The following SDCBP variants were observed in gnomAD, a reference collection of about 807,000 sequenced individuals.
The protein encoded by SDCBP is syntenin-1.
SDCBP carries 22 observed loss-of-function variants against 30.5 expected under a neutral mutation model. The observed-to-expected ratio is 0.72, with a 90% confidence interval of 0.52 to 1.03. The LOEUF is 1.03. Ranked by LOEUF, SDCBP falls within the 50% of genes least tolerant of loss-of-function variation. The pLI, the probability that SDCBP is intolerant of heterozygous loss-of-function variation, is 0.00. For synonymous variants in SDCBP, 103 were observed against 118.7 expected (o/e 0.87, Z 0.86); for missense variants, 304 against 369.9 (o/e 0.82, Z 1.46).
intron 7 of SDCBP, 134 bp downstream of exon 7, chr8:58,579,928 G>A (rs184554302): frequency 5.5e-6 from 4 of 726,244 alleles, no homozygotes; most frequent in Admixed American, 2.9e-5. Flanking sequence ...CTCTTGGTCT[G>A]GCCAGTCACC....
chr8:58,571,433 G>A (rs1288461629), intron 3 of SDCBP, among the ~76,000 whole-genome samples: 1 of 151,972 alleles, frequency 6.6e-6, no homozygotes. Flanking sequence ...CCTGTCTTTG[G>A]TCCCTTTTTC....
At chr8:58,572,505 T>C (rs1805084209) in intron 4 of SDCBP, among the ~76,000 whole-genome samples, 191 bp downstream of exon 4, 1 of 152,180 alleles carries the variant, frequency 6.6e-6, no homozygotes, top group African/African-American at 2.4e-5. Flanking sequence ...GTTTTGAGTT[T>C]ATTAGGACTT....
At chr8:58,565,500 C>T (rs1334946021) in intron 2 of SDCBP, among the ~76,000 whole-genome samples, 5 of 152,032 alleles carry the variant, frequency 3.3e-5, no homozygotes, top group Admixed American at 6.5e-5. Context: ...GAAATAGTGG[C>T]GTACATGCTG....
chr8:58,557,259 A>G (rs1481320709), intron 1 of SDCBP, among the ~76,000 whole-genome samples: 22 of 131,542 alleles, frequency 1.7e-4, no homozygotes, highest in African/African-American at 6.5e-4. Flanking sequence ...CAATATTTAT[A>G]TTTAAATATT....
chr8:58,558,948 G>A (rs966807815), intron 1 of SDCBP, among the ~76,000 whole-genome samples: 13 of 152,104 alleles, frequency 8.5e-5, no homozygotes, highest in Admixed American at 5.9e-4. Context: ...TAATGAAATG[G>A]GTCAAGAAAG....
chr8:58,580,159 A>C (rs935993130), intron 7 of SDCBP, among the ~76,000 whole-genome samples: 1 of 152,212 alleles, frequency 6.6e-6, no homozygotes, highest in Admixed American at 6.5e-5. Flanking sequence ...TCTCCTCCAC[A>C]AATTCCTAAA....
chr8:58,558,268 A>G (rs559450904), intron 1 of SDCBP, among the ~76,000 whole-genome samples: 2 of 152,132 alleles, frequency 1.3e-5, no homozygotes, highest in Admixed American at 6.5e-5. Flanking sequence ...AACATTTGGT[A>G]TCTTCTTTTT....
chr8:58,559,787 T>C (rs1044186280), intron 1 of SDCBP, among the ~76,000 whole-genome samples: 1 of 152,136 alleles, frequency 6.6e-6, no homozygotes, highest in Non-Finnish European at 1.5e-5. Context: ...ATCCGGAAAC[T>C]AGTTAAGAGG....
intron 2 of SDCBP, among the ~76,000 whole-genome samples, chr8:58,567,480 C>T (rs1804762090): frequency 2.0e-5 from 3 of 152,194 alleles, no homozygotes. Flanking sequence ...AGCATCTGCA[C>T]CAGAGCAGTA....
chr8:58,576,022 A>C lies in SDCBP; in HGVS notation c.363A>C (p.Gln121His), dbSNP rs778963752. The C allele has an allele frequency of 6.2e-7, 1 of 1,613,718 alleles. No homozygotes were observed. The highest frequency in any genetic ancestry group is 8.5e-7 in the Non-Finnish European group (1 of 1,179,692). The change falls in exon 5 of 9, where the codon CAA (glutamine) becomes CAC (histidine). Residue 121 changes from glutamine to histidine, a missense_variant. Transcript: ENST00000260130. ...GIREVILCKD[Q>H]DGKIGLRLKS... is the part of the protein sequence containing the mutation. ...GTGAAGTCATTTTGTGTAAGGATCA[A>C]GATGGAAAAATTGGACTCAGGCTTA...
intron 2 of SDCBP, among the ~76,000 whole-genome samples, chr8:58,568,602 G>T (rs180855855): frequency 2.6e-5 from 4 of 152,212 alleles, no homozygotes. Context: ...TTTTATATAT[G>T]ACTGGCAGTG....
In SDCBP at chr8:58,568,916, G is replaced by A. The variant is rs146538511; in HGVS notation, c.52-1971G>A. On this transcript the variant is annotated intron_variant, in intron 2 of 8. Coordinates refer to ENST00000260130, the MANE Select transcript of SDCBP (RefSeq NM_005625.4). ...GTGTTTTCTTTAGCGTCAGGATGTCGCTCTGTTGCCCAGGCTGGAGTACAG... is the reference window on the plus strand; with the variant it reads ...GTGTTTTCTTTAGCGTCAGGATGTCACTCTGTTGCCCAGGCTGGAGTACAG... 4.8e-3 allele frequency among the ~76,000 whole-genome samples: 735 copies of A among 152,214 alleles called. 6 individuals carry two copies. The highest frequency in any genetic ancestry group is 0.017 in the African/African-American group (692 of 41,536).
intron 1 of SDCBP, among the ~76,000 whole-genome samples, chr8:58,564,800 C>T (rs530137120): frequency 6.6e-6 from 1 of 152,210 alleles, no homozygotes; most frequent in South Asian, 2.1e-4. Flanking sequence ...GGATATAGTT[C>T]AATAATACTA....
At chr8:58,561,703 T>C in intron 1 of SDCBP, 1 of 656,614 alleles carries the variant, frequency 1.5e-6, no homozygotes, top group South Asian at 1.7e-5. Context: ...TGGGAGTCTG[T>C]TAAATGGAAA....
At chr8:58,565,193 C>A (rs1021809445) in intron 2 of SDCBP, 109 bp downstream of exon 2, 2 of 498,660 alleles carry the variant, frequency 4.0e-6, no homozygotes, top group African/African-American at 4.0e-5. Flanking sequence ...TTCATTTTTA[C>A]ACTTCATAAA....
At chr8:58,561,678 T>C (rs1804448389) in intron 1 of SDCBP, 1 of 612,726 alleles carries the variant, frequency 1.6e-6, no homozygotes, top group Admixed American at 3.0e-5. Context: ...CCACTATATC[T>C]GACTTAAACG....
At chr8:58,579,568 C>A in intron 6 of SDCBP, 55 bp from the exon 7 acceptor site, 1 of 1,313,720 alleles carries the variant, frequency 7.6e-7, no homozygotes, top group South Asian at 1.8e-5. Flanking sequence ...ATATGAAATC[C>A]ATTAAAATGT....
At chr8:58,580,794 C>T (rs74656758) in intron 8 of SDCBP, among the ~76,000 whole-genome samples, 186 bp downstream of exon 8, 2,565 of 152,208 alleles carry the variant, frequency 0.017, 33 homozygotes, top group African/African-American at 0.035. Flanking sequence ...TTCCCAAGTA[C>T]GGAATAAAAT....
intron 4 of SDCBP, among the ~76,000 whole-genome samples, chr8:58,573,971 G>A (rs981287447): frequency 2.6e-5 from 4 of 152,008 alleles, no homozygotes; most frequent in Admixed American, 2.0e-4. Context: ...CTTTATAAAG[G>A]GCTCCATAAT....
Sources: allele counts gnomAD v4.1 joint callset (sites outside exome capture counted in the v4.1 genomes callset), GRCh38; gene constraint gnomAD v4.1.1; transcripts MANE v1.5; gene names NCBI Gene and HGNC (gene_info 2026-07-23, HGNC 2026-07-21).